The following ESS2 variants were observed in gnomAD, a reference collection of about 807,000 sequenced individuals.
ESS2 encodes the protein ess-2 spliceosome associated protein, also known as splicing factor ESS-2 homolog.
A neutral mutation model predicts 52.0 loss-of-function variants in ESS2; 31 were observed. The observed-to-expected ratio is 0.60, with a 90% confidence interval of 0.45 to 0.81. The LOEUF (loss-of-function observed/expected upper bound fraction) is 0.81. Among genes scored for constraint, ESS2 ranks in the 30% least tolerant of loss-of-function variants. ESS2 has a pLI of 0.00. For missense variants in ESS2, 602 were observed against 637.2 expected (o/e 0.94, Z 0.59); for synonymous variants, 285 against 259.2 (o/e 1.10, Z -0.95).
rs2083647403 is a variant in ESS2 at position 19,139,614 on chromosome 22, T to C, written c.686A>G (p.Glu229Gly). Residue 229 changes from glutamate (E) to glycine (G), a missense_variant and splice_region_variant, in exon 5 of 10, where the codon GAG (glutamate) becomes GGG (glycine). Coordinates refer to ENST00000252137, the MANE Select transcript of ESS2 (RefSeq NM_022719.3). ...KAKNSLMYYP[E>G]GVPDEEQLFK... ...TGGCTGCGAGGCCCGCCACTTACCC[T>C]CTGGATAGTACATGAGGGAATTCTT... 1 of 1,613,664 alleles carries C rather than the reference T, an allele frequency of 6.2e-7. No homozygotes were observed. The highest frequency in any genetic ancestry group is 1.7e-5 in the Admixed American group (1 of 59,986).
At position 19,139,234 on chromosome 22, in the gene ESS2, C is replaced by G; in HGVS notation, c.747G>C (p.Thr249=). Residue 249 remains threonine, a synonymous_variant, in exon 6 of 10, where the codon ACG becomes ACC. Coordinates refer to ENST00000252137, the MANE Select transcript of ESS2 (RefSeq NM_022719.3). ...KKPRQVVHKN[T]RFLRDPFSQA... The stretch of plus-strand genomic sequence containing the variant: ...GGCTGAAGGGGTCCCTAAGGAAGCG[C>G]GTGTTCTTATGTACCACCTGCCGGG... 6.2e-7 allele frequency: 1 copy of G among 1,608,946 alleles called. No individual in the cohort carries two copies. Among genetic ancestry groups the G allele is most frequent in the South Asian group, 1.1e-5 (1 of 90,110 alleles).
chr22:19,136,770 A>G (rs78703319), intron 8 of ESS2, among the ~76,000 whole-genome samples: 2,547 of 151,968 alleles, frequency 0.017, 96 homozygotes, highest in East Asian at 0.067. Context: ...ACCTCTCCCC[A>G]TGTTTTGTCT....
In ESS2 at chr22:19,139,979, T is replaced by C. The variant is rs1450136035; in HGVS notation, c.446A>G (p.Asp149Gly). 5.0e-6 allele frequency: 8 copies of C among 1,613,948 alleles called. No individual in the cohort carries two copies. The highest frequency in any genetic ancestry group is 1.1e-5 in the South Asian group (1 of 91,072). Residue 149 changes from aspartate (D) to glycine (G), a missense_variant, in exon 4 of 10, where the codon GAT becomes GGT. Coordinates refer to ENST00000252137, the MANE Select transcript of ESS2 (RefSeq NM_022719.3). ...EEEKEPLPSL[D>G]VFLSRYTSED... ...ACTCGTGTAGCGGCTCAGGAAGACATCTAGGCTGGGCAGCGGCTCCTTCTC... is the reference window on the plus strand; with the variant it reads ...ACTCGTGTAGCGGCTCAGGAAGACACCTAGGCTGGGCAGCGGCTCCTTCTC...
rs1017286965 is a variant in ESS2, at chr22:19,132,801, C to T, written c.*1395G>A. On this transcript the variant is annotated 3_prime_UTR_variant, in exon 10 of 10. Transcript: ENST00000252137. This position sits in a 1 kb window ranked among gnomAD's most constrained non-coding sequence, Gnocchi z 4.2. ...GGCCTAGGAGCACAGGACAGATGCT[C>T]AGGTACAGGCAGAATCACAGTGTGG... 7 of 307,590 alleles carry T rather than the reference C, an allele frequency of 2.3e-5. No individual in the cohort carries two copies. Among genetic ancestry groups the T allele is most frequent in the African/African-American group, 1.5e-4 (7 of 46,124 alleles). The allele number at this position is 307,590 out of a possible 1,614,324, so 19.1% of individuals were successfully genotyped here.
intron 1 of ESS2, among the ~76,000 whole-genome samples, chr22:19,143,225 A>G (rs1239918810): frequency 6.6e-6 from 1 of 151,682 alleles, no homozygotes; most frequent in Non-Finnish European, 1.5e-5. Flanking sequence ...AAAAAAGAAA[A>G]AAGAAAGTCG....
chr22:19,131,832 G>C lies in ESS2; in HGVS notation c.*2364C>G, dbSNP rs1300424021. 1 of 1,614,050 alleles carries C rather than the reference G, an allele frequency of 6.2e-7. No homozygotes were observed. ...CCTCAAGTGCGAGAACCTTCTCCTC[G>C]ACAAGGACTTCAACATCAAGCTGTC... On this transcript the variant is annotated 3_prime_UTR_variant, in exon 10 of 10. Coordinates refer to ENST00000252137, the MANE Select transcript of ESS2 (RefSeq NM_022719.3). This position sits in a 1 kb window ranked among gnomAD's most constrained non-coding sequence, Gnocchi z 5.7.
chr22:19,139,977 C>T lies in ESS2; in HGVS notation c.448G>A (p.Val150Ile), dbSNP rs935395053. 3 of 1,613,988 alleles carry T rather than the reference C, an allele frequency of 1.9e-6. No homozygotes were observed. In the African/African-American group the frequency reaches 4.0e-5, roughly 22 times the overall value. ...EEKEPLPSLDVFLSRYTSEDN... is the reference protein window; with the variant it reads ...EEKEPLPSLDIFLSRYTSEDN... ...TCACTCGTGTAGCGGCTCAGGAAGACATCTAGGCTGGGCAGCGGCTCCTTC... is the reference window on the plus strand; with the variant it reads ...TCACTCGTGTAGCGGCTCAGGAAGATATCTAGGCTGGGCAGCGGCTCCTTC... Residue 150 changes from valine (V) to isoleucine (I), a missense_variant, in exon 4 of 10, where the codon GTC becomes ATC. Val to Ile is a conservative substitution (Grantham distance 29). Coordinates refer to ENST00000252137, the MANE Select transcript of ESS2 (RefSeq NM_022719.3).
At chr22:19,142,075 A>G (rs1458071395) in intron 3 of ESS2, among the ~76,000 whole-genome samples, 2 of 152,270 alleles carry the variant, frequency 1.3e-5, no homozygotes, top group African/African-American at 4.8e-5. Flanking sequence ...ACAGAGCACC[A>G]GTGGTGTTGT....
rs2083495784 is a variant in ESS2 at position 19,130,383 on chromosome 22, G to C, written c.*3813C>G. The C allele has an allele frequency of 5.7e-6, 1 of 175,356 alleles. No homozygotes were observed. Among genetic ancestry groups the C allele is most frequent in the African/African-American group, 2.4e-5 (1 of 41,826 alleles). The allele number at this position is 175,356 out of a possible 1,614,324, so 10.9% of individuals were successfully genotyped here. On this transcript the variant is annotated 3_prime_UTR_variant, in exon 10 of 10. Transcript: ENST00000252137. ...CTACAATTTTCTTACTGTTTATATAGGTTGGGGTTATGTGCCTACATGCAG... is the reference window on the plus strand; with the variant it reads ...CTACAATTTTCTTACTGTTTATATACGTTGGGGTTATGTGCCTACATGCAG...
Position 19,135,008 on chromosome 22 carries a change from G to A in ESS2, c.1151+52C>T, listed in dbSNP as rs908386704. 3.2e-5 allele frequency: 50 copies of A among 1,553,102 alleles called. 2 individuals carry two copies. The South Asian group carries it at 5.4e-4, about 17-fold the overall frequency. ...CACGGTCAGGGCAGGGGCCGAACAG[G>A]AGCAGGCCAGAGCCACCCTCGCACT... On this transcript the variant is annotated intron_variant, in intron 9 of 9. Coordinates refer to ENST00000252137, the MANE Select transcript of ESS2 (RefSeq NM_022719.3).
chr22:19,139,716 T>C lies in ESS2; in HGVS notation c.584A>G (p.Asn195Ser). Residue 195 changes from asparagine to serine, a missense_variant, in exon 5 of 10, where the codon AAT (asparagine) becomes AGT (serine). By Grantham distance (46) the Asn-to-Ser change is conservative. Transcript: ENST00000252137. Reference sequence around the variant, plus strand: ...GTGCTCTGCTGACGGGAGTTCGAGATTATCTTTCTGCCTCTGCAATCACAT... The same window carrying C: ...GTGCTCTGCTGACGGGAGTTCGAGACTATCTTTCTGCCTCTGCAATCACAT... ...EEEFEKRQKD[N>S]LELPSAEHQA... is the part of the protein sequence containing the mutation. The C allele has an allele frequency of 6.2e-7, 1 of 1,614,122 alleles. No homozygotes were observed. The highest frequency in any genetic ancestry group is 8.5e-7 in the Non-Finnish European group (1 of 1,180,006).
chr22:19,134,364 G>T lies in ESS2; in HGVS notation c.1263C>A (p.Ser421=). 6.2e-7 allele frequency: 1 copy of T among 1,612,402 alleles called. No homozygotes were observed. The highest frequency in any genetic ancestry group is 1.1e-5 in the South Asian group (1 of 90,924). Reference sequence around the variant, plus strand: ...TCTTGAGGTGGGTGGAGCGTGCTGGGGATGGTGTGTAGCTGGCCCGCAGGG... The same window carrying T: ...TCTTGAGGTGGGTGGAGCGTGCTGGTGATGGTGTGTAGCTGGCCCGCAGGG... The part of the protein sequence containing the change: ...DRALRASYTP[S]PARSTHLKTP... The change falls in exon 10 of 10, where the codon TCC becomes TCA. Residue 421 remains serine, a synonymous_variant. Coordinates refer to ENST00000252137, the MANE Select transcript of ESS2 (RefSeq NM_022719.3).
intron 9 of ESS2, 132 bp downstream of exon 9, chr22:19,134,928 C>A: frequency 1.3e-6 from 1 of 745,710 alleles, no homozygotes; most frequent in African/African-American, 1.7e-5. Context: ...CCACAGTACC[C>A]ACTGCAGAAC....
In ESS2 at chr22:19,144,495, C is replaced by T. The variant is rs777423657; in HGVS notation, c.135+11G>A. On this transcript the variant is annotated intron_variant, in intron 1 of 9. Coordinates refer to ENST00000252137, the MANE Select transcript of ESS2 (RefSeq NM_022719.3). Reference sequence around the variant, plus strand: ...GCCCAGAAGTCGCCGGCGTCCGCACCGAGGTCGTACCTCGATATACTCTTC... The same window carrying T: ...GCCCAGAAGTCGCCGGCGTCCGCACTGAGGTCGTACCTCGATATACTCTTC... 1 of 1,611,452 alleles carries T rather than the reference C, an allele frequency of 6.2e-7. No homozygotes were observed. Among genetic ancestry groups the T allele is most frequent in the South Asian group, 1.1e-5 (1 of 91,048 alleles).
At chr22:19,137,625 C>A in intron 7 of ESS2, 193 bp from the exon 8 acceptor site, 2 of 700,096 alleles carry the variant, frequency 2.9e-6, no homozygotes, top group Non-Finnish European at 3.5e-6. Flanking sequence ...TCCCAGCAGG[C>A]CCGAGGCAGG....
At chr22:19,137,231 C>T (rs1409752225) in intron 8 of ESS2, 92 bp downstream of exon 8, 10 of 893,676 alleles carry the variant, frequency 1.1e-5, no homozygotes, top group African/African-American at 3.4e-5. Flanking sequence ...AGCTGGGGGC[C>T]GATCCCAGTG....
chr22:19,144,556 C>G lies in ESS2; in HGVS notation c.85G>C (p.Gly29Arg). ...ACCCGCTGCTTGCTCGTCGCAGCCC[C>G]AGCCTCTCCCGCCTCGCGCTTCCTC... ...PPRKREAGEA[G>R]AATSKQRVLD... is the part of the protein sequence containing the mutation. The change falls in exon 1 of 10, where the codon GGG (glycine) becomes CGG (arginine). Residue 29 changes from glycine to arginine, a missense_variant. Gly to Arg is a moderately radical substitution (Grantham distance 125). Transcript: ENST00000252137. The G allele has an allele frequency of 6.2e-7, 1 of 1,609,266 alleles. No individual in the cohort carries two copies. The highest frequency in any genetic ancestry group is 1.7e-5 in the Admixed American group (1 of 59,818).
Position 19,140,024 on chromosome 22 carries a change from C to T in ESS2, c.401G>A (p.Gly134Glu). The change falls in exon 4 of 10, where the codon GGA becomes GAA. Residue 134 changes from glycine (G) to glutamate (E), a missense_variant and splice_region_variant. Gly to Glu is a moderately conservative substitution (Grantham distance 98). Coordinates refer to ENST00000252137, the MANE Select transcript of ESS2 (RefSeq NM_022719.3). ...PRPRGRGLED[G>E]EAGEEEEKEP... ...CTTCTCCTCCTCCTCTCCAGCCTCT[C>T]CTGCTTAGGGGTTGCGGGAGGAGGA... The T allele has an allele frequency of 6.2e-7, 1 of 1,613,542 alleles. No homozygotes were observed.
chr22:19,139,385 T>C (rs1270831278), intron 5 of ESS2, 93 bp from the exon 6 acceptor site: 2 of 1,489,376 alleles, frequency 1.3e-6, no homozygotes, highest in Non-Finnish European at 1.8e-6. Context: ...CACTCCCAGA[T>C]GAACAAAAGC....
Sources: gnomAD v4.1 joint callset for allele counts (sites outside exome capture counted in the v4.1 genomes callset) on GRCh38, gnomAD v4.1.1 for gene constraint, Gnocchi (gnomAD v3.1) non-coding constraint, MANE v1.5 for transcripts, NCBI Gene and HGNC (gene_info 2026-07-23, HGNC 2026-07-21) for gene names.